The following IRS2 variants were observed in gnomAD, a reference collection of about 807,000 sequenced individuals.
The protein encoded by IRS2 is insulin receptor substrate 2.
A neutral mutation model predicts 70.9 loss-of-function variants in IRS2; 28 were observed. That is an observed-to-expected ratio of 0.39 (90% confidence interval 0.29 to 0.54). The LOEUF (loss-of-function observed/expected upper bound fraction) is 0.54, where lower values mean the gene tolerates loss of function less well. Ranked by LOEUF, IRS2 falls within the 20% of genes least tolerant of loss-of-function variation. The pLI, the probability that IRS2 is intolerant of heterozygous loss-of-function variation, is 0.59. For missense variants in IRS2, 2,081 were observed against 2,024.1 expected, an observed-to-expected ratio of 1.03 and a Z score of -0.54; for synonymous variants, 1,217 against 981.9, an observed-to-expected ratio of 1.24 and a Z score of -4.48.
chr13:109,778,057 T>C (rs1163406900), intron 1 of IRS2, among the ~76,000 whole-genome samples: 2 of 152,244 alleles, frequency 1.3e-5, no homozygotes, highest in East Asian at 1.9e-4. Flanking sequence ...CTTTCCTGTA[T>C]ACATTCATGG....
rs898125220 is a variant in IRS2, at chr13:109,753,666, G to A, written c.*2638C>T. ...TATAACACATTTACTTTTCATAAAT[G>A]TTGTTATCTGGCAGGTATTTTTTGG... On this transcript the variant is annotated 3_prime_UTR_variant, in exon 2 of 2. Coordinates refer to ENST00000375856, the MANE Select transcript of IRS2 (RefSeq NM_003749.3). The A allele has an allele frequency of 5.6e-6, 1 of 180,062 alleles. No homozygotes were observed. Among genetic ancestry groups the A allele is most frequent in the Admixed American group, 6.3e-5 (1 of 15,894 alleles). The allele number at this position is 180,062 out of a possible 1,614,324, so 11.2% of individuals were successfully genotyped here. A position where few individuals can be genotyped will look rare whatever the true frequency, so the allele number is the denominator to read the frequency against.
chr13:109,781,859 C>T (rs1877711510), intron 1 of IRS2, among the ~76,000 whole-genome samples, 183 bp downstream of exon 1: 1 of 152,188 alleles, frequency 6.6e-6, no homozygotes, highest in African/African-American at 2.4e-5. Flanking sequence ...GACGAATGTT[C>T]CTGGCAAGTT....
chr13:109,755,603 T>A lies in IRS2; in HGVS notation c.*701A>T. The A allele has an allele frequency of 4.9e-6, 1 of 202,236 alleles. No individual in the cohort carries two copies. Among genetic ancestry groups the A allele is most frequent in the Non-Finnish European group, 1.0e-5 (1 of 98,312 alleles). 12.5% of individuals were successfully genotyped at this position (202,236 alleles called of 1,614,324 possible). ...TGCTTCAGTTACATATAATAATTAT[T>A]ATTTAGTAATCCGTCTTCAAAGTCC... On this transcript the variant is annotated 3_prime_UTR_variant, in exon 2 of 2. Transcript: ENST00000375856.
At position 109,782,828 on chromosome 13, in the gene IRS2, C is replaced by T. The variant is rs1227490155; in HGVS notation, c.3226G>A (p.Ala1076Thr). ...TGDNGDYTEM[A>T]FGVAATPPQP... ...GGCGGGGTGGCGGCCACACCAAAAG[C>T]CATCTCGGTGTAGTCACCATTGTCC... The change falls in exon 1 of 2, where the codon GCT becomes ACT. Residue 1076 changes from alanine to threonine, a missense_variant. By Grantham distance (58) the Ala-to-Thr change is moderately conservative. Coordinates refer to ENST00000375856, the MANE Select transcript of IRS2 (RefSeq NM_003749.3). 1 of 1,588,712 alleles carries T rather than the reference C, an allele frequency of 6.3e-7. No homozygotes were observed. The highest frequency in any genetic ancestry group is 1.8e-5 in the Admixed American group (1 of 56,038).
chr13:109,783,665 C>T lies in IRS2; in HGVS notation c.2389G>A (p.Gly797Ser). 1.3e-6 allele frequency: 2 copies of T among 1,557,362 alleles called. No individual in the cohort carries two copies. Among genetic ancestry groups the T allele is most frequent in the Non-Finnish European group, 1.7e-6 (2 of 1,150,674 alleles). The change falls in exon 1 of 2, where the codon GGC (glycine) becomes AGC (serine). Residue 797 changes from glycine to serine, a missense_variant. Physicochemically the swap from Gly to Ser is moderately conservative, Grantham distance 56. Transcript: ENST00000375856. Reference protein sequence around the residue: ...ALHPGGEPLRGVPGCCYSSLP... With the variant: ...ALHPGGEPLRSVPGCCYSSLP... ...GAGCTGTAGCAGCAGCCGGGAACGC[C>T]CCTGAGCGGCTCCCCGCCGGGGTGC...
Position 109,783,619 on chromosome 13 carries a change from G to C in IRS2, c.2435C>G (p.Ala812Gly). ...CYSSLPRSYK[A>G]PYTCGGDSDQ... The stretch of plus-strand genomic sequence containing the variant: ...GCTGTCCCCGCCACAGGTGTAGGGG[G>C]CCTTGTAGGAGCGGGGCAAGGAGCT... The change falls in exon 1 of 2, where the codon GCC (alanine) becomes GGC (glycine). Residue 812 changes from alanine to glycine, a missense_variant. Ala to Gly is a moderately conservative substitution (Grantham distance 60, BLOSUM62 0). This residue lies in a region of IRS2 where 1,615 missense variants were observed against 1,459.5 expected (regional missense o/e 1.11). Coordinates refer to ENST00000375856, the MANE Select transcript of IRS2 (RefSeq NM_003749.3). 1 of 1,549,632 alleles carries C rather than the reference G, an allele frequency of 6.5e-7. No homozygotes were observed. Among genetic ancestry groups the C allele is most frequent in the Non-Finnish European group, 8.7e-7 (1 of 1,145,410 alleles).
intron 1 of IRS2, among the ~76,000 whole-genome samples, chr13:109,781,090 T>C (rs1877684801): frequency 6.6e-6 from 1 of 152,218 alleles, no homozygotes; most frequent in Non-Finnish European, 1.5e-5. Flanking sequence ...TCAAATCACC[T>C]GGACAACTCT....
chr13:109,769,332 A>C (rs1175822438), intron 1 of IRS2, among the ~76,000 whole-genome samples: 1 of 152,192 alleles, frequency 6.6e-6, no homozygotes, highest in Non-Finnish European at 1.5e-5. Context: ...ATGTGGGCTA[A>C]CATCAGTAGC....
chr13:109,771,374 A>G (rs543093178), intron 1 of IRS2, among the ~76,000 whole-genome samples: 78 of 152,280 alleles, frequency 5.1e-4, no homozygotes, highest in African/African-American at 1.8e-3. Context: ...TGAAACTGCA[A>G]TTAAAATAAA....
intron 1 of IRS2, among the ~76,000 whole-genome samples, chr13:109,758,169 TA>T (rs752348115): frequency 9.3e-5 from 14 of 150,988 alleles, no homozygotes; most frequent in African/African-American, 3.4e-4. Flanking sequence ...TTGTATCCCC[TA>T]AAAAAAAACA....
chr13:109,783,098 G>C lies in IRS2; in HGVS notation c.2956C>G (p.Pro986Ala). The C allele has an allele frequency of 7.2e-7, 1 of 1,391,916 alleles. No homozygotes were observed. The highest frequency in any genetic ancestry group is 1.7e-5 in the South Asian group (1 of 60,384). The allele number at this position is 1,391,916 out of a possible 1,614,324, so 86.2% of individuals were successfully genotyped here. The part of the protein sequence containing the change: ...SDYMNLDFSS[P>A]KSPKPGAPSG... The stretch of plus-strand genomic sequence containing the variant: ...GGGGCGCCCGGCTTAGGAGACTTGG[G>C]GGAGCTGAAGTCGAGGTTCATGTAG... The change falls in exon 1 of 2, where the codon CCC becomes GCC. Residue 986 changes from proline to alanine, a missense_variant. Coordinates refer to ENST00000375856, the MANE Select transcript of IRS2 (RefSeq NM_003749.3).
chr13:109,773,251 C>T (rs1454770523), intron 1 of IRS2, among the ~76,000 whole-genome samples: 1 of 152,058 alleles, frequency 6.6e-6, no homozygotes, highest in Non-Finnish European at 1.5e-5. Flanking sequence ...CTCAATTCCC[C>T]AGAAGATAAC....
In IRS2 at chr13:109,755,214, C is replaced by CTTTTTTTTTTTTTTTTTT. The variant is rs375324802; in HGVS notation, c.*1089_*1090insAAAAAAAAAAAAAAAAAA. The CTTTTTTTTTTTTTTTTTT allele has an allele frequency of 1.5e-5, 3 of 194,034 alleles. No homozygotes were observed. Among genetic ancestry groups the CTTTTTTTTTTTTTTTTTT allele is most frequent in the Non-Finnish European group, 2.0e-5 (2 of 98,342 alleles). The allele number at this position is 194,034 out of a possible 1,614,324, so 12.0% of individuals were successfully genotyped here. ...CTCTTTTTATCAGTTTCTTTCTTTC[C>CTTTTTTTTTTTTTTTTTT]TTTTTTTTTTTTCTTTTTGTTTTTT... is the stretch of plus-strand genomic sequence containing the variant. On this transcript the variant is annotated 3_prime_UTR_variant, in exon 2 of 2. Coordinates refer to ENST00000375856, the MANE Select transcript of IRS2 (RefSeq NM_003749.3).
Position 109,783,240 on chromosome 13 carries a change from C to CA in IRS2, c.2813dup (p.Leu939AlafsTer52). 6.8e-7 allele frequency: 1 copy of CA among 1,464,992 alleles called. No homozygotes were observed. The highest frequency in any genetic ancestry group is 9.0e-7 in the Non-Finnish European group (1 of 1,112,028). 90.7% of individuals were successfully genotyped at this position (1,464,992 alleles called of 1,614,324 possible). ...AGGAGGACGAGGCCGCCGACGCCAG[C>CA]AGGGGAGGCGCGGGCGGCGACAGGC... On this transcript the variant is annotated frameshift_variant, in exon 1 of 2. Coordinates refer to ENST00000375856, the MANE Select transcript of IRS2 (RefSeq NM_003749.3). LOFTEE classifies it high-confidence loss of function.
intron 1 of IRS2, among the ~76,000 whole-genome samples, chr13:109,769,567 G>T (rs899605720): frequency 6.6e-6 from 1 of 152,148 alleles, no homozygotes. Context: ...CCTTCAGGTT[G>T]CTTGGCTCAA....
rs879176182 is a variant in IRS2 at position 109,754,949 on chromosome 13, G to T, written c.*1355C>A. ...GGCACTGGGGAAGCCCCCACGGGAG[G>T]AGAGGTCGACAGCCCTCCAATCAAG... On this transcript the variant is annotated 3_prime_UTR_variant, in exon 2 of 2. Transcript: ENST00000375856. 4.5e-6 allele frequency: 1 copy of T among 223,402 alleles called. No homozygotes were observed. The highest frequency in any genetic ancestry group is 1.8e-4 in the South Asian group (1 of 5,442). 13.8% of individuals were successfully genotyped at this position (223,402 alleles called of 1,614,324 possible). A position where few individuals can be genotyped will look rare whatever the true frequency, so the allele number is the denominator to read the frequency against.
intron 1 of IRS2, among the ~76,000 whole-genome samples, chr13:109,770,549 G>A (rs989713278): frequency 1.3e-5 from 2 of 152,192 alleles, no homozygotes; most frequent in Admixed American, 6.5e-5. Context: ...GCTGTGAATG[G>A]GACCAGTACT....
intron 1 of IRS2, among the ~76,000 whole-genome samples, chr13:109,776,951 C>T (rs938868394): frequency 6.6e-6 from 1 of 152,106 alleles, no homozygotes; most frequent in African/African-American, 2.4e-5. Context: ...TGTTTATAAC[C>T]AATACTTTTG....
At chr13:109,758,281 C>CA (rs34530945) in intron 1 of IRS2, among the ~76,000 whole-genome samples, 119,402 of 152,128 alleles carry the variant, frequency 0.78, 47,859 homozygotes, top group Middle Eastern at 0.9. Flanking sequence ...ATGGCCACCA[C>CA]AAGCAGGTAA....
Sources: gnomAD v4.1 joint callset for allele counts (sites outside exome capture counted in the v4.1 genomes callset) on GRCh38, gnomAD v4.1.1 for gene constraint, gnomAD v4.1.1 regional missense constraint, MANE v1.5 for transcripts, NCBI Gene and HGNC (gene_info 2026-07-23, HGNC 2026-07-21) for gene names.